NRXN1: variants seen among roughly 807,000 people sequenced by gnomAD.
NRXN1 encodes neurexin-1.
A neutral mutation model predicts 150.9 loss-of-function variants in NRXN1; 39 were observed. The ratio of observed to expected loss-of-function variants is 0.26; its 90% CI spans 0.20 to 0.34. NRXN1 has a LOEUF of 0.34. Ranked by LOEUF, NRXN1 falls within the 10% of genes least tolerant of loss-of-function variation. The pLI, the probability that NRXN1 is intolerant of heterozygous loss-of-function variation, is 1.00. For synonymous variants in NRXN1, 924 were observed against 757.0 expected (o/e 1.22, Z -3.62); for missense variants, 1,815 against 1,949.9 (o/e 0.93, Z 1.30).
chr2:50,416,229 T>C (rs1320687291), intron 17 of NRXN1, among the ~76,000 whole-genome samples: 1 of 152,018 alleles, frequency 6.6e-6, no homozygotes, highest in Non-Finnish European at 1.5e-5. Flanking sequence ...GTGGTGGAAG[T>C]GATTGTAAAT....
intron 17 of NRXN1, among the ~76,000 whole-genome samples, chr2:50,378,641 T>C (rs910441247): frequency 4.6e-5 from 7 of 152,160 alleles, no homozygotes; most frequent in Non-Finnish European, 5.9e-5. Flanking sequence ...GGGCTTTTTG[T>C]AATCATTTAG....
At chr2:50,186,121 G>T (rs2061054041) in intron 18 of NRXN1, among the ~76,000 whole-genome samples, 1 of 152,018 alleles carries the variant, frequency 6.6e-6, no homozygotes, top group African/African-American at 2.4e-5. Context: ...CATTTTCCAT[G>T]ATTTGAATGG....
intron 5 of NRXN1, among the ~76,000 whole-genome samples, chr2:50,805,720 C>T (rs1443057549): frequency 2.6e-5 from 4 of 151,922 alleles, no homozygotes; most frequent in South Asian, 2.1e-4. Flanking sequence ...GTGTTCGATG[C>T]ATTATTAAAA....
intron 5 of NRXN1, among the ~76,000 whole-genome samples, chr2:50,643,882 T>A (rs139594549): frequency 6.6e-6 from 1 of 151,854 alleles, no homozygotes; most frequent in African/African-American, 2.4e-5. Flanking sequence ...AACATTTAGC[T>A]TGCATATCAA....
At chr2:50,944,884 T>C (rs769387800) in intron 2 of NRXN1, among the ~76,000 whole-genome samples, 2 of 152,262 alleles carry the variant, frequency 1.3e-5, no homozygotes, top group Non-Finnish European at 2.9e-5. Context: ...TAGGAATGCA[T>C]GTAAATTAAC....
At chr2:50,861,494 A>T (rs1430565540) in intron 5 of NRXN1, among the ~76,000 whole-genome samples, 1 of 152,138 alleles carries the variant, frequency 6.6e-6, no homozygotes, top group Non-Finnish European at 1.5e-5. Context: ...TGAGCTAAAA[A>T]TAATGTATAC....
chr2:50,797,817 T>C (rs1707053472), intron 5 of NRXN1, among the ~76,000 whole-genome samples: 1 of 152,162 alleles, frequency 6.6e-6, no homozygotes, highest in African/African-American at 2.4e-5. Context: ...AGTTCAAATA[T>C]ATTTTGACCA....
At chr2:50,518,865 G>A (rs1439145790) in intron 12 of NRXN1, among the ~76,000 whole-genome samples, 1 of 151,524 alleles carries the variant, frequency 6.6e-6, no homozygotes, top group Non-Finnish European at 1.5e-5. Flanking sequence ...CAGTATTTTT[G>A]AGATATTCTA....
At chr2:49,962,945 C>T (rs918964125) in intron 21 of NRXN1, among the ~76,000 whole-genome samples, 4 of 142,568 alleles carry the variant, frequency 2.8e-5, no homozygotes, top group Non-Finnish European at 6.1e-5. Flanking sequence ...AATTGAGAGC[C>T]TGCCTCTAAA....
chr2:50,078,497 T>C (rs1697419920), intron 19 of NRXN1, among the ~76,000 whole-genome samples: 2 of 152,090 alleles, frequency 1.3e-5, no homozygotes, highest in Non-Finnish European at 2.9e-5. Context: ...TAATAAACTG[T>C]TGACTAAAGT....
intron 17 of NRXN1, among the ~76,000 whole-genome samples, chr2:50,278,981 C>G (rs531641221): frequency 2.6e-5 from 4 of 152,288 alleles, no homozygotes; most frequent in Admixed American, 6.5e-5. Flanking sequence ...ATATCACAAT[C>G]CACTCATTTC....
chr2:50,575,874 G>C (rs974001748), intron 8 of NRXN1, among the ~76,000 whole-genome samples: 3 of 152,114 alleles, frequency 2.0e-5, no homozygotes, highest in Admixed American at 6.6e-5. Context: ...CTTCTTTCAA[G>C]CAGAATTGCC....
intron 15 of NRXN1, among the ~76,000 whole-genome samples, chr2:50,476,419 ACTT>A (rs1208557639): frequency 4.0e-5 from 6 of 151,854 alleles, no homozygotes; most frequent in Non-Finnish European, 5.9e-5. Context: ...AGGTTACATA[ACTT>A]CTTTAAGAGT....
intron 5 of NRXN1, among the ~76,000 whole-genome samples, chr2:50,822,780 A>T (rs1295774703): frequency 6.6e-6 from 1 of 152,170 alleles, no homozygotes; most frequent in Non-Finnish European, 1.5e-5. Context: ...TAGCTTAATT[A>T]TGAAAATAAT....
intron 2 of NRXN1, among the ~76,000 whole-genome samples, chr2:51,005,366 T>A (rs1194601865): frequency 6.6e-6 from 1 of 151,994 alleles, no homozygotes. Flanking sequence ...TGTACAATGA[T>A]GAGCTCAATG....
rs2078102161 is a variant in NRXN1, at chr2:50,347,414, G to A, written c.3365-110444C>T. 2 of 1,167,940 alleles carry A rather than the reference G, an allele frequency of 1.7e-6. No individual in the cohort carries two copies. Among genetic ancestry groups the A allele is most frequent in the Admixed American group, 7.7e-5 (2 of 25,916 alleles). 72.3% of individuals were successfully genotyped at this position (1,167,940 alleles called of 1,614,324 possible). On this transcript the variant is annotated intron_variant, in intron 17 of 22. Transcript: ENST00000401669. This position sits in a 1 kb window ranked among gnomAD's most constrained non-coding sequence, Gnocchi z 4.9. The stretch of plus-strand genomic sequence containing the variant: ...TAGGTAAATCCATTTAGCTTTGTGT[G>A]CGGGGACTAGGGAGGCCACTTCGCC...
At chr2:50,863,191 A>C (rs1232714175) in intron 5 of NRXN1, among the ~76,000 whole-genome samples, 1 of 152,048 alleles carries the variant, frequency 6.6e-6, no homozygotes, top group Non-Finnish European at 1.5e-5. Context: ...TTTCCTTCTA[A>C]AGTATTCAAA....
intron 18 of NRXN1, among the ~76,000 whole-genome samples, chr2:50,148,595 C>T (rs115685191): frequency 0.011 from 1,636 of 151,718 alleles, 39 homozygotes; most frequent in African/African-American, 0.038. Context: ...ATCCAGAGGG[C>T]CAATCAGATT....
intron 13 of NRXN1, among the ~76,000 whole-genome samples, chr2:50,502,606 T>C (rs1418697120): frequency 6.6e-6 from 1 of 152,096 alleles, no homozygotes; most frequent in Admixed American, 6.5e-5. Context: ...ATTAAGCAAA[T>C]CAATAAATGA....
Sources: allele counts gnomAD v4.1 joint callset (sites outside exome capture counted in the v4.1 genomes callset), GRCh38; gene constraint gnomAD v4.1.1; non-coding constraint Gnocchi (gnomAD v3.1); transcripts MANE v1.5; gene names NCBI Gene and HGNC (gene_info 2026-07-23, HGNC 2026-07-21).